THRAP3: variants seen among roughly 807,000 people sequenced by gnomAD.
THRAP3 encodes thyroid hormone receptor-associated protein 3.
A neutral mutation model predicts 101.0 loss-of-function variants in THRAP3; 16 were observed. That is an observed-to-expected ratio of 0.16 (90% CI 0.11 to 0.24). The LOEUF (loss-of-function observed/expected upper bound fraction) is 0.24. THRAP3 is among the 10% of genes least tolerant of loss of function. The probability of loss-of-function intolerance (pLI) is 1.00; values close to 1 mark genes in which losing one functional copy is unlikely to be tolerated. For missense variants in THRAP3, 989 were observed against 1,202.7 expected, an observed-to-expected ratio of 0.82 and a Z score of 2.63; for synonymous variants, 407 against 422.6, an observed-to-expected ratio of 0.96 and a Z score of 0.45.
intron 2 of THRAP3, among the ~76,000 whole-genome samples, chr1:36,277,367 T>G (rs1347410982): frequency 1.3e-5 from 2 of 150,814 alleles, no homozygotes; most frequent in East Asian, 3.9e-4. Flanking sequence ...ACCTGGCTAC[T>G]TTTTGTATAT....
At chr1:36,256,467 C>T (rs1004630031) in intron 1 of THRAP3, among the ~76,000 whole-genome samples, 10 of 151,874 alleles carry the variant, frequency 6.6e-5, no homozygotes, top group Admixed American at 6.6e-5. Context: ...CCTCGTGATC[C>T]GCCCGCCTCG....
chr1:36,274,560 C>T (rs1645631134), intron 2 of THRAP3, among the ~76,000 whole-genome samples: 1 of 148,876 alleles, frequency 6.7e-6, no homozygotes, highest in South Asian at 2.1e-4. Context: ...TAAGGAGAGA[C>T]AGACAGGTCA....
intron 10 of THRAP3, 91 bp from the exon 11 acceptor site, chr1:36,301,462 C>T: frequency 2.7e-6 from 4 of 1,496,806 alleles, no homozygotes; most frequent in Non-Finnish European, 3.6e-6. Flanking sequence ...GTCTATTCCA[C>T]ACCAGAAAAA....
chr1:36,295,588 CCTT>C, intron 8 of THRAP3, among the ~76,000 whole-genome samples: 2 of 152,012 alleles, frequency 1.3e-5, no homozygotes, highest in East Asian at 1.9e-4. Context: ...CTCCTCCCTT[CCTT>C]CCTCCCTCCC....
At chr1:36,287,941 T>C in intron 4 of THRAP3, 1 of 983,896 alleles carries the variant, frequency 1.0e-6, no homozygotes, top group Non-Finnish European at 1.2e-6. Context: ...TACAGGGAAG[T>C]TGCACTGGGA....
chr1:36,243,962 G>A (rs1162225748), intron 1 of THRAP3, among the ~76,000 whole-genome samples: 5 of 96,238 alleles, frequency 5.2e-5, no homozygotes, highest in South Asian at 3.9e-4. Context: ...GGCGGCTGGC[G>A]GGCGGGGGGC....
chr1:36,280,555 GATT>G (rs1418842561), intron 2 of THRAP3, among the ~76,000 whole-genome samples: 1 of 152,126 alleles, frequency 6.6e-6, no homozygotes, highest in African/African-American at 2.4e-5. Flanking sequence ...AGAAATATTT[GATT>G]ATTATTTTCC....
At chr1:36,270,237 A>G (rs12123371) in intron 2 of THRAP3, among the ~76,000 whole-genome samples, 23,687 of 152,174 alleles carry the variant, frequency 0.16, 2,332 homozygotes, top group Non-Finnish European at 0.22. Context: ...AAAAATACGA[A>G]AAGTTAGCCA....
upstream of THRAP3, among the ~76,000 whole-genome samples, chr1:36,220,277 G>C (rs1457153770): frequency 6.6e-6 from 1 of 152,188 alleles, no homozygotes; most frequent in African/African-American, 2.4e-5. Flanking sequence ...ACAGGTGTGA[G>C]CCACTGTGCC....
At chr1:36,260,324 C>T (rs10908291) in intron 2 of THRAP3, among the ~76,000 whole-genome samples, 143,975 of 152,242 alleles carry the variant, frequency 0.95, 68,615 homozygotes, top group Middle Eastern at 1. Context: ...CCCTAGGGCT[C>T]TTTATGAAAA....
intron 1 of THRAP3, among the ~76,000 whole-genome samples, chr1:36,248,873 A>C (rs1317819948): frequency 6.6e-6 from 1 of 151,934 alleles, no homozygotes; most frequent in Non-Finnish European, 1.5e-5. Context: ...AGATAAATAT[A>C]AGGCACAGTC....
the THRAP3 span, among the ~76,000 whole-genome samples, chr1:36,218,241 C>T: frequency 6.6e-6 from 1 of 151,422 alleles, no homozygotes; most frequent in African/African-American, 2.4e-5. Context: ...TGGTGGCAGG[C>T]ACCTGTAGTC....
chr1:36,210,975 G>A, the THRAP3 span, among the ~76,000 whole-genome samples: 1 of 150,542 alleles, frequency 6.6e-6, no homozygotes, highest in African/African-American at 2.4e-5. Flanking sequence ...ACTCTGGGGG[G>A]CCGAGGAGGG....
Position 36,286,714 on chromosome 1 carries a change from T to C in THRAP3, c.484T>C (p.Ser162Pro). ...DRSRRSSSSR[S>P]SSNHSRVESS... ...GTCAAGGCGCTCCTCATCCTCCCGT[T>C]CTTCCTCCAACCATAGCCGAGTTGA... The change falls in exon 4 of 12, where the codon TCT (serine) becomes CCT (proline). Residue 162 changes from serine (S) to proline (P), a missense_variant. Transcript: ENST00000354618. This position sits in a 1 kb window ranked among gnomAD's most constrained non-coding sequence, Gnocchi z 5.5. The C allele has an allele frequency of 6.2e-7, 1 of 1,614,238 alleles. No homozygotes were observed.
chr1:36,254,048 C>T (rs1023540199), intron 1 of THRAP3, among the ~76,000 whole-genome samples: 1 of 152,104 alleles, frequency 6.6e-6, no homozygotes, highest in African/African-American at 2.4e-5. Context: ...CTGAGCTTTT[C>T]AAGAAACATA....
In THRAP3 at chr1:36,291,478, C is replaced by T. The variant is rs1645867689; in HGVS notation, c.1850C>T (p.Ala617Val). 6.2e-7 allele frequency: 1 copy of T among 1,614,210 alleles called. No homozygotes were observed. The highest frequency in any genetic ancestry group is 8.5e-7 in the Non-Finnish European group (1 of 1,180,038). The change falls in exon 6 of 12, where the codon GCT becomes GTT. Residue 617 changes from alanine (A) to valine (V), a missense_variant. By Grantham distance (64) the Ala-to-Val change is moderately conservative. Coordinates refer to ENST00000354618, the MANE Select transcript of THRAP3 (RefSeq NM_005119.4). ...FRSIFQHIQS[A>V]QSQRSPSELF... ...TCCATTTTCCAGCACATACAATCAG[C>T]TCAGTCTCAGCGTAGCCCCTCAGAA...
At chr1:36,281,983 G>C (rs1645737345) in intron 2 of THRAP3, among the ~76,000 whole-genome samples, 1 of 152,074 alleles carries the variant, frequency 6.6e-6, no homozygotes, top group South Asian at 2.1e-4. Context: ...TGAGGCAGGA[G>C]AATTGCTTGA....
At chr1:36,256,091 A>G (rs1345421358) in intron 1 of THRAP3, among the ~76,000 whole-genome samples, 1 of 151,838 alleles carries the variant, frequency 6.6e-6, no homozygotes, top group East Asian at 1.9e-4. Context: ...AACATGGCTC[A>G]TTGCAGCCTC....
intron 1 of THRAP3, 35 bp downstream of exon 1, chr1:36,224,540 T>C (rs1644936665): frequency 6.6e-6 from 1 of 152,482 alleles, no homozygotes; most frequent in Admixed American, 6.5e-5. Flanking sequence ...TTAGGGCAGC[T>C]TAACCGGCTC....
Sources: allele counts gnomAD v4.1 joint callset (sites outside exome capture counted in the v4.1 genomes callset), GRCh38; gene constraint gnomAD v4.1.1; non-coding constraint Gnocchi (gnomAD v3.1); transcripts MANE v1.5; gene names NCBI Gene and HGNC (gene_info 2026-07-23, HGNC 2026-07-21).